VTI1A: variants seen among roughly 807,000 people sequenced by gnomAD.
The protein encoded by VTI1A is vesicle transport through interaction with t-SNAREs homolog 1A.
A neutral mutation model predicts 34.9 loss-of-function variants in VTI1A; 22 were observed. The observed-to-expected ratio is 0.63, with a 90% CI of 0.45 to 0.90. VTI1A has a LOEUF of 0.90. VTI1A is among the 40% of genes least tolerant of loss of function. The probability of loss-of-function intolerance (pLI) is 0.00; values close to 1 mark genes in which losing one functional copy is unlikely to be tolerated. For synonymous variants in VTI1A, 87 were observed against 97.3 expected (o/e 0.89, Z 0.62); for missense variants, 268 against 275.6 (o/e 0.97, Z 0.20).
chr10:112,516,902 A>G (rs76880073), intron 3 of VTI1A, among the ~76,000 whole-genome samples: 10,489 of 152,116 alleles, frequency 0.069, 624 homozygotes, highest in East Asian at 0.28. Context: ...GAGAAAGATA[A>G]TATTCTACTT....
At chr10:112,776,442 C>T (rs191728774) in intron 7 of VTI1A, among the ~76,000 whole-genome samples, 3 of 152,208 alleles carry the variant, frequency 2.0e-5, no homozygotes, top group Admixed American at 2.0e-4. Flanking sequence ...TAGCACTAGG[C>T]GGTCTGTTCT....
At chr10:112,606,177 C>T (rs1257292051) in intron 5 of VTI1A, among the ~76,000 whole-genome samples, 1 of 151,950 alleles carries the variant, frequency 6.6e-6, no homozygotes, top group Non-Finnish European at 1.5e-5. Context: ...AGGTGCACGC[C>T]ACCACCCCTG....
chr10:112,633,879 C>T (rs1846239134), intron 5 of VTI1A, among the ~76,000 whole-genome samples: 2 of 150,572 alleles, frequency 1.3e-5, no homozygotes, highest in Non-Finnish European at 3.0e-5. Flanking sequence ...AGTCATGACT[C>T]ACTCCAGAAA....
chr10:112,769,313 G>T (rs1464444300), intron 7 of VTI1A, among the ~76,000 whole-genome samples: 1 of 152,210 alleles, frequency 6.6e-6, no homozygotes, highest in Non-Finnish European at 1.5e-5. Flanking sequence ...ACTAGACAGT[G>T]AGCCCTTCCT....
At chr10:112,699,879 G>A (rs1848935508) in intron 7 of VTI1A, among the ~76,000 whole-genome samples, 1 of 151,150 alleles carries the variant, frequency 6.6e-6, no homozygotes, top group South Asian at 2.1e-4. Flanking sequence ...CCAGCACTTT[G>A]GGAGGCCAAG....
the VTI1A span, chr10:112,823,985 T>C: frequency 2.0e-5 from 3 of 152,366 alleles, no homozygotes; most frequent in Middle Eastern, 3.4e-3. Context: ...ACCTAGCAAA[T>C]TGGTAACAGG....
At chr10:112,539,652 G>A (rs1479055529) in intron 5 of VTI1A, among the ~76,000 whole-genome samples, 1 of 152,108 alleles carries the variant, frequency 6.6e-6, no homozygotes, top group Non-Finnish European at 1.5e-5. Flanking sequence ...ACCAGGCTTG[G>A]GTTCTAGCTC....
At chr10:112,755,260 AAAAG>A (rs143000248) in intron 7 of VTI1A, among the ~76,000 whole-genome samples, 103 of 151,592 alleles carry the variant, frequency 6.8e-4, no homozygotes, top group South Asian at 2.1e-3. Flanking sequence ...TCTCAAAAAA[AAAAG>A]AAAGAAAGAA....
intron 4 of VTI1A, among the ~76,000 whole-genome samples, chr10:112,532,421 TGTGGTTTA>T (rs1318912294): frequency 6.6e-6 from 1 of 152,216 alleles, no homozygotes; most frequent in African/African-American, 2.4e-5. Flanking sequence ...AGACCTAGAA[TGTGGTTTA>T]GTCTGTTACA....
At chr10:112,513,661 TA>T in intron 3 of VTI1A, among the ~76,000 whole-genome samples, 1 of 152,162 alleles carries the variant, frequency 6.6e-6, no homozygotes, top group East Asian at 1.9e-4. Flanking sequence ...AGAATTATTT[TA>T]GCTATGGGTT....
At position 112,712,473 on chromosome 10, in the gene VTI1A, A is replaced by ATC. The variant is rs1474404454; in HGVS notation, c.560+43476_560+43477dup. Among the ~76,000 whole-genome samples, 694 of 90,690 alleles carry ATC rather than the reference A, an allele frequency of 7.7e-3. 9 individuals are homozygous for ATC. Among genetic ancestry groups the ATC allele is most frequent in the African/African-American group, 0.033 (656 of 19,828 alleles). The allele number at this position is 90,690 out of a possible 152,430, so 59.5% of individuals were successfully genotyped here. The stretch of plus-strand genomic sequence containing the variant: ...ATACAGCTAAATGAGATCAACTATT[A>ATC]TCACACACACACACACACACACACA... On this transcript the variant is annotated intron_variant, in intron 7 of 7. Coordinates refer to ENST00000393077, the MANE Select transcript of VTI1A (RefSeq NM_145206.4).
chr10:112,461,931 GT>G (rs1374930757), intron 2 of VTI1A, among the ~76,000 whole-genome samples: 1 of 152,192 alleles, frequency 6.6e-6, no homozygotes, highest in African/African-American at 2.4e-5. Flanking sequence ...AGCCAGGCTG[GT>G]CTTGAACTCG....
rs983477889 is a variant in VTI1A at position 112,470,180 on chromosome 10, G to A, written c.264+5523G>A. ...CCATGGCAGGAAGTGAAAGTTCAGT[G>A]TAGATTTAATGTTTCTTAATTCCTT... On this transcript the variant is annotated intron_variant, in intron 3 of 7. Coordinates refer to ENST00000393077, the MANE Select transcript of VTI1A (RefSeq NM_145206.4). 6.6e-5 allele frequency among the ~76,000 whole-genome samples: 10 copies of A among 152,184 alleles called. No homozygotes were observed. The East Asian group carries it at 1.9e-3, about 29-fold the overall frequency.
intron 7 of VTI1A, among the ~76,000 whole-genome samples, chr10:112,765,996 T>C (rs1330078669): frequency 6.6e-6 from 1 of 152,208 alleles, no homozygotes; most frequent in African/African-American, 2.4e-5. Flanking sequence ...ACCTAGATGC[T>C]TCTGTCACAG....
At chr10:112,845,698 C>T in the VTI1A span, among the ~76,000 whole-genome samples, 2 of 152,100 alleles carry the variant, frequency 1.3e-5, no homozygotes, top group Non-Finnish European at 1.5e-5. Context: ...CCCAGGTTCT[C>T]CCAAGGTGGA....
chr10:112,657,501 T>G (rs1276725652), intron 5 of VTI1A, among the ~76,000 whole-genome samples: 1 of 152,176 alleles, frequency 6.6e-6, no homozygotes, highest in Non-Finnish European at 1.5e-5. Flanking sequence ...ATAAGAGGTA[T>G]AAGAAGGCAG....
chr10:112,817,102 T>C lies in VTI1A; in HGVS notation c.*1719T>C, dbSNP rs1177463691. ...TATTCTGATAACGGAATGCTGTACG[T>C]GCTGACCACATCTAAGAACCATTAA... On this transcript the variant is annotated 3_prime_UTR_variant, in exon 8 of 8. Transcript: ENST00000393077. 4.3e-6 allele frequency: 1 copy of C among 232,524 alleles called. No individual in the cohort carries two copies. Among genetic ancestry groups the C allele is most frequent in the African/African-American group, 2.2e-5 (1 of 45,316 alleles). 14.4% of individuals were successfully genotyped at this position (232,524 alleles called of 1,614,324 possible).
intron 3 of VTI1A, among the ~76,000 whole-genome samples, chr10:112,490,570 G>A (rs1401736006): frequency 6.6e-6 from 1 of 151,606 alleles, no homozygotes; most frequent in Non-Finnish European, 1.5e-5. Flanking sequence ...TGATAATGGG[G>A]CTGCAGATTC....
chr10:112,614,423 T>A (rs1205182328), intron 5 of VTI1A, among the ~76,000 whole-genome samples: 1 of 152,210 alleles, frequency 6.6e-6, no homozygotes, highest in Non-Finnish European at 1.5e-5. Context: ...TTCACTCTTT[T>A]GTGGCTTACC....
Sources: allele counts gnomAD v4.1 joint callset (sites outside exome capture counted in the v4.1 genomes callset), GRCh38; gene constraint gnomAD v4.1.1; transcripts MANE v1.5; gene names NCBI Gene and HGNC (gene_info 2026-07-23, HGNC 2026-07-21).